PARVB: variants seen among roughly 807,000 people sequenced by gnomAD.
PARVB encodes the protein beta-parvin.
Under a neutral mutation model 47.0 loss-of-function variants are expected in PARVB, and 46 were observed. The observed-to-expected ratio is 0.98, with a 90% CI of 0.77 to 1.25. PARVB has a LOEUF of 1.25. PARVB is among the 50% of genes most tolerant of loss of function. The probability of loss-of-function intolerance (pLI) is 0.00; values close to 1 mark genes in which losing one functional copy is unlikely to be tolerated. For missense variants in PARVB, 473 were observed against 471.6 expected (o/e 1.00, Z -0.03); for synonymous variants, 196 against 196.3 (o/e 1.00, Z 0.01).
chr22:44,148,918 T>A (rs2053743868), intron 9 of PARVB: 1 of 152,186 alleles, frequency 6.6e-6, no homozygotes, highest in East Asian at 1.9e-4. Flanking sequence ...AAAGCCTTCC[T>A]AGCACTCTTG....
intron 1 of PARVB, among the ~76,000 whole-genome samples, chr22:44,052,717 C>A (rs1376465785): frequency 6.6e-6 from 1 of 152,034 alleles, no homozygotes; most frequent in African/African-American, 2.4e-5. Context: ...CTGAGGCAGG[C>A]GGATTGCTTG....
At chr22:44,048,020 T>G (rs527497089) in intron 1 of PARVB, among the ~76,000 whole-genome samples, 1 of 152,276 alleles carries the variant, frequency 6.6e-6, no homozygotes, top group South Asian at 2.1e-4. Context: ...TGAGGTGTGC[T>G]TGGCCATTCC....
At chr22:44,042,153 G>A (rs1245743552) in intron 1 of PARVB, among the ~76,000 whole-genome samples, 1 of 152,180 alleles carries the variant, frequency 6.6e-6, no homozygotes, top group Non-Finnish European at 1.5e-5. Context: ...TGGGCGCGGT[G>A]GCTCATGCCT....
chr22:44,081,529 C>G (rs1448971651), intron 1 of PARVB: 2 of 833,656 alleles, frequency 2.4e-6, no homozygotes, highest in East Asian at 2.5e-4. Context: ...CGTTACCAGT[C>G]ACATTAATTA....
At chr22:44,007,373 C>T (rs973336442) in intron 2 of PARVB, among the ~76,000 whole-genome samples, 3 of 152,218 alleles carry the variant, frequency 2.0e-5, no homozygotes, top group Non-Finnish European at 2.9e-5. Context: ...TGCACTCCCA[C>T]GCTGGAGGCC....
Position 44,155,415 on chromosome 22 carries a change from G to A in PARVB, c.844-2567G>A, listed in dbSNP as rs559968796. Among the ~76,000 whole-genome samples the A allele has an allele frequency of 7.2e-5, 11 of 152,306 alleles. No individual in the cohort carries two copies. The highest frequency in any genetic ancestry group is 2.6e-4 in the African/African-American group (11 of 41,570). On this transcript the variant is annotated intron_variant, in intron 10 of 12. Coordinates refer to ENST00000338758, the MANE Select transcript of PARVB (RefSeq NM_013327.5). The surrounding 1 kb of genome is among the most constrained non-coding windows in gnomAD (Gnocchi z 4.8). ...TGTGAAAGTGGAGGGTCACCCGCTC[G>A]CAGCTGGGCCCCCCAGCCCTGCCCT...
In PARVB at chr22:44,097,698, C is replaced by T. The variant is rs1197184918; in HGVS notation, c.203-2355C>T. Among the ~76,000 whole-genome samples, 4 of 152,214 alleles carry T rather than the reference C, an allele frequency of 2.6e-5. No individual in the cohort carries two copies. In the South Asian group the frequency reaches 6.2e-4, roughly 24 times the overall value. Reference sequence around the variant, plus strand: ...ATCTGCAGACATGGACACACTGCCACACATAGCTGCCTGCCTGGGGCCTGC... The same window carrying T: ...ATCTGCAGACATGGACACACTGCCATACATAGCTGCCTGCCTGGGGCCTGC... On this transcript the variant is annotated intron_variant, in intron 2 of 12. Coordinates refer to ENST00000338758, the MANE Select transcript of PARVB (RefSeq NM_013327.5).
chr22:44,158,475 C>T (rs2053983680), intron 11 of PARVB, among the ~76,000 whole-genome samples: 2 of 152,234 alleles, frequency 1.3e-5, no homozygotes, highest in African/African-American at 2.4e-5. Flanking sequence ...AAGGATGGCT[C>T]TGTTACCAGC....
intron 1 of PARVB, among the ~76,000 whole-genome samples, chr22:44,054,455 A>G (rs1003390420): frequency 2.0e-5 from 3 of 151,974 alleles, no homozygotes; most frequent in Non-Finnish European, 2.9e-5. Context: ...GGCTCAAGCA[A>G]TCCTCCCGCC....
At chr22:44,060,749 T>C (rs890073188) in intron 1 of PARVB, among the ~76,000 whole-genome samples, 1 of 151,972 alleles carries the variant, frequency 6.6e-6, no homozygotes, top group African/African-American at 2.4e-5. Context: ...AGTGGGGTGC[T>C]GGGTTTAGTT....
chr22:44,122,044 T>C (rs907567812), intron 4 of PARVB, among the ~76,000 whole-genome samples: 1 of 152,236 alleles, frequency 6.6e-6, no homozygotes, highest in African/African-American at 2.4e-5. Context: ...TTTTGAGTGG[T>C]CATGTCATCC....
chr22:44,094,362 A>G (rs1036887307), intron 2 of PARVB, among the ~76,000 whole-genome samples: 1 of 151,092 alleles, frequency 6.6e-6, no homozygotes, highest in Non-Finnish European at 1.5e-5. Context: ...ATGCCACGCC[A>G]TGCCACGCCA....
intron 1 of PARVB, among the ~76,000 whole-genome samples, chr22:44,092,197 G>A (rs774264363): frequency 4.6e-5 from 7 of 152,058 alleles, no homozygotes; most frequent in African/African-American, 1.7e-4. Flanking sequence ...TGCAACCTCC[G>A]CCTCCTGGGT....
chr22:44,090,133 C>T (rs940504722), intron 1 of PARVB, among the ~76,000 whole-genome samples: 11 of 152,162 alleles, frequency 7.2e-5, no homozygotes, highest in African/African-American at 2.4e-4. Flanking sequence ...CCTGTGAGGC[C>T]GGTATTCCCA....
At chr22:44,113,894 T>G in intron 3 of PARVB, 1 of 56,950 alleles carries the variant, frequency 1.8e-5, no homozygotes, top group Non-Finnish European at 3.2e-5. Flanking sequence ...GATACATTGT[T>G]ACTAAGTAAG....
At chr22:44,024,602 T>A in intron 1 of PARVB, 151 bp downstream of exon 1, 1 of 287,918 alleles carries the variant, frequency 3.5e-6, no homozygotes, top group Non-Finnish European at 5.7e-6. Context: ...GCCAGGCCTT[T>A]GACCCAGGAC....
At chr22:44,151,812 C>A in intron 10 of PARVB, 1 of 429,786 alleles carries the variant, frequency 2.3e-6, no homozygotes, top group Non-Finnish European at 4.3e-6. Flanking sequence ...GGCCTGAAGT[C>A]CAAAATCAAG....
intron 2 of PARVB, among the ~76,000 whole-genome samples, chr22:44,098,860 GAC>G (rs1288998526): frequency 1.3e-5 from 2 of 152,000 alleles, no homozygotes; most frequent in Non-Finnish European, 2.9e-5. Context: ...TAAAAATAGA[GAC>G]AGGGATTTCA....
In PARVB at chr22:44,132,970, C is replaced by T; in HGVS notation, c.594C>T (p.Arg198=). 6.2e-7 allele frequency: 1 copy of T among 1,614,100 alleles called. No individual in the cohort carries two copies. The change falls in exon 6 of 13, where the codon CGC becomes CGT. Residue 198 remains arginine (R), a synonymous_variant. Transcript: ENST00000338758. ...SLAMHFRAPI[R]LPEHVTVQVV... ...CCATGCACTTCAGGGCCCCCATCCGCCTTCCTGAGCATGTAACGGTGCAGG... is the reference window on the plus strand; with the variant it reads ...CCATGCACTTCAGGGCCCCCATCCGTCTTCCTGAGCATGTAACGGTGCAGG...
Sources: gnomAD v4.1 joint callset for allele counts (sites outside exome capture counted in the v4.1 genomes callset) on GRCh38, gnomAD v4.1.1 for gene constraint, Gnocchi (gnomAD v3.1) non-coding constraint, MANE v1.5 for transcripts, NCBI Gene and HGNC (gene_info 2026-07-23, HGNC 2026-07-21) for gene names.